Variants in IMPACT observed in about 807,000 individuals in gnomAD.
IMPACT encodes protein IMPACT.
A neutral mutation model predicts 47.5 loss-of-function variants in IMPACT; 35 were observed. That is an observed-to-expected ratio of 0.74 (90% CI 0.56 to 0.98). The LOEUF (loss-of-function observed/expected upper bound fraction) is 0.98. Ranked by LOEUF, IMPACT falls within the 50% of genes least tolerant of loss-of-function variation. IMPACT has a pLI of 0.00. For synonymous variants in IMPACT, 118 were observed against 125.6 expected, an observed-to-expected ratio of 0.94 and a Z score of 0.40; for missense variants, 373 against 394.8, an observed-to-expected ratio of 0.94 and a Z score of 0.47.
At chr18:24,446,461 G>A (rs1334882114) in intron 8 of IMPACT, among the ~76,000 whole-genome samples, 1 of 152,124 alleles carries the variant, frequency 6.6e-6, no homozygotes, top group Non-Finnish European at 1.5e-5. Flanking sequence ...ATGCATCTTT[G>A]CTGATTTGTA....
chr18:24,431,301 G>A (rs1336965610), intron 4 of IMPACT, among the ~76,000 whole-genome samples: 1 of 152,122 alleles, frequency 6.6e-6, no homozygotes, highest in Non-Finnish European at 1.5e-5. Flanking sequence ...ACAGGGCTTG[G>A]TGTTGGGGAG....
chr18:24,440,620 T>C lies in IMPACT; in HGVS notation c.490+2T>C. 1.9e-6 allele frequency: 3 copies of C among 1,604,850 alleles called. No homozygotes were observed. The highest frequency in any genetic ancestry group is 2.5e-6 in the Non-Finnish European group (3 of 1,176,544). On this transcript the variant is annotated splice_donor_variant, in intron 6 of 10. Coordinates refer to ENST00000284202, the MANE Select transcript of IMPACT (RefSeq NM_018439.4). LOFTEE classifies it high-confidence loss of function. ...TTGATATCAGTGAAACTCGGACAGG[T>C]ATAATGTTACTAACTAATTTCTTTT... is the stretch of plus-strand genomic sequence containing the variant.
At chr18:24,448,834 T>C (rs993505275) in intron 9 of IMPACT, among the ~76,000 whole-genome samples, 11 of 152,308 alleles carry the variant, frequency 7.2e-5, no homozygotes, top group South Asian at 6.2e-4. Flanking sequence ...GTTTATCTTG[T>C]CCTTTCTCTT....
chr18:24,427,899 A>T lies in IMPACT; in HGVS notation c.37-20A>T, dbSNP rs1194056532. Reference sequence around the variant, plus strand: ...AAGATGTGTACATTTGTTGACTTTTAAAAAATCAATTTCTTTCAGAATGAG... The same window carrying T: ...AAGATGTGTACATTTGTTGACTTTTTAAAAATCAATTTCTTTCAGAATGAG... On this transcript the variant is annotated intron_variant, in intron 1 of 10. Coordinates refer to ENST00000284202, the MANE Select transcript of IMPACT (RefSeq NM_018439.4). The T allele has an allele frequency of 1.3e-6, 2 of 1,590,668 alleles. No homozygotes were observed. Among genetic ancestry groups the T allele is most frequent in the African/African-American group, 2.7e-5 (2 of 73,420 alleles).
intron 4 of IMPACT, among the ~76,000 whole-genome samples, chr18:24,432,575 A>G (rs1392920631): frequency 6.6e-6 from 1 of 152,166 alleles, no homozygotes; most frequent in Non-Finnish European, 1.5e-5. Flanking sequence ...CCTTGGCGGA[A>G]GTATAAGTAT....
chr18:24,453,166 C>G lies in IMPACT; in HGVS notation c.*2319C>G, dbSNP rs1465083932. ...ACTTTTTAGATGGGAATTGCAGAAG[C>G]TGCATCAAAAGTATGCTTTGAGGTA... On this transcript the variant is annotated 3_prime_UTR_variant, in exon 11 of 11. Coordinates refer to ENST00000284202, the MANE Select transcript of IMPACT (RefSeq NM_018439.4). 1.3e-5 allele frequency: 2 copies of G among 152,170 alleles called. No individual in the cohort carries two copies. Among genetic ancestry groups the G allele is most frequent in the African/African-American group, 4.8e-5 (2 of 41,432 alleles). 9.4% of individuals were successfully genotyped at this position (152,170 alleles called of 1,614,324 possible).
intron 3 of IMPACT, 86 bp from the exon 4 acceptor site, chr18:24,430,236 A>G (rs1908717209): frequency 2.1e-6 from 2 of 957,684 alleles, no homozygotes; most frequent in Admixed American, 2.7e-5. Flanking sequence ...TTTAAAGCCA[A>G]AAAAATTTAT....
At chr18:24,434,834 GTATA>G (rs1253240931) in intron 4 of IMPACT, among the ~76,000 whole-genome samples, 2 of 138,854 alleles carry the variant, frequency 1.4e-5, no homozygotes, top group South Asian at 2.2e-4. Context: ...TTATATAAGT[GTATA>G]TATATGTGTG....
chr18:24,433,514 T>A (rs1216870934), intron 4 of IMPACT, among the ~76,000 whole-genome samples: 104 of 150,786 alleles, frequency 6.9e-4, no homozygotes, highest in Non-Finnish European at 1.2e-3. Flanking sequence ...TTTTTTTTTT[T>A]AAATAGGACT....
At chr18:24,448,397 C>T (rs1219146664) in intron 9 of IMPACT, among the ~76,000 whole-genome samples, 1 of 152,178 alleles carries the variant, frequency 6.6e-6, no homozygotes, top group Non-Finnish European at 1.5e-5. Context: ...AAGTGCTATG[C>T]TTTCAAGACA....
chr18:24,440,469 A>T (rs376256573), intron 5 of IMPACT, 27 bp from the exon 6 acceptor site: 3 of 1,604,244 alleles, frequency 1.9e-6, no homozygotes, highest in Admixed American at 1.7e-5. Context: ...CTGCGTCATA[A>T]AGTAATTGTG....
At chr18:24,434,327 C>G (rs1908847046) in intron 4 of IMPACT, among the ~76,000 whole-genome samples, 2 of 152,034 alleles carry the variant, frequency 1.3e-5, no homozygotes, top group African/African-American at 2.4e-5. Context: ...GAGTGAGACT[C>G]TGTCTCAAAA....
intron 6 of IMPACT, 103 bp downstream of exon 6, chr18:24,440,721 G>A (rs1196980960): frequency 1.8e-6 from 2 of 1,113,842 alleles, no homozygotes; most frequent in African/African-American, 1.6e-5. Flanking sequence ...TCCAGTTTTA[G>A]GAAGGAGTTA....
At chr18:24,443,988 A>G (rs1909183412) in intron 7 of IMPACT, among the ~76,000 whole-genome samples, 1 of 152,106 alleles carries the variant, frequency 6.6e-6, no homozygotes, top group Middle Eastern at 3.2e-3. Context: ...CTTTGCAGCT[A>G]CCCTACTCTT....
intron 6 of IMPACT, among the ~76,000 whole-genome samples, chr18:24,442,110 G>A (rs927387175): frequency 6.6e-6 from 1 of 150,704 alleles, no homozygotes; most frequent in Non-Finnish European, 1.5e-5. Flanking sequence ...TAGCCAGGAC[G>A]ATTAAGTCTC....
At chr18:24,448,215 T>A (rs757598017) in intron 9 of IMPACT, 32 bp downstream of exon 9, 6 of 1,422,562 alleles carry the variant, frequency 4.2e-6, no homozygotes, top group Non-Finnish European at 5.9e-6. Context: ...AATCCTGTTC[T>A]GTACAAGCCA....
intron 2 of IMPACT, 60 bp from the exon 3 acceptor site, chr18:24,428,809 A>G: frequency 7.5e-7 from 1 of 1,332,100 alleles, no homozygotes; most frequent in Non-Finnish European, 1.1e-6. Context: ...AGCTTTATAA[A>G]TATGGTTACT....
chr18:24,448,319 T>C, intron 9 of IMPACT, 136 bp downstream of exon 9: 1 of 498,342 alleles, frequency 2.0e-6, no homozygotes. Flanking sequence ...TAGTAGTTGA[T>C]GTTAAAATAT....
intron 9 of IMPACT, among the ~76,000 whole-genome samples, chr18:24,448,897 T>A (rs1339901548): frequency 6.6e-6 from 1 of 152,212 alleles, no homozygotes; most frequent in Non-Finnish European, 1.5e-5. Flanking sequence ...TGTTCATTAA[T>A]TTTAGGATTG....
Sources: allele counts gnomAD v4.1 joint callset (sites outside exome capture counted in the v4.1 genomes callset), GRCh38; gene constraint gnomAD v4.1.1; transcripts MANE v1.5; gene names NCBI Gene and HGNC (gene_info 2026-07-23, HGNC 2026-07-21).